Variants in SERPINA3 observed in about 807,000 individuals in gnomAD.
The protein encoded by SERPINA3 is alpha-1-antichymotrypsin.
A neutral mutation model predicts 26.8 loss-of-function variants in SERPINA3; 32 were observed. The ratio of observed to expected loss-of-function variants is 1.20; its 90% CI spans 0.90 to 1.61. The LOEUF (loss-of-function observed/expected upper bound fraction) is 1.61. Ranked by LOEUF, SERPINA3 falls within the 40% of genes most tolerant of loss-of-function variation. SERPINA3 has a pLI of 0.00. For synonymous variants in SERPINA3, 252 were observed against 206.4 expected, an observed-to-expected ratio of 1.22 and a Z score of -1.89; for missense variants, 632 against 517.9, an observed-to-expected ratio of 1.22 and a Z score of -2.14.
chr14:94,622,428 A>G lies in SERPINA3; in HGVS notation c.1005A>G (p.Glu335=), dbSNP rs764278012. 23 of 1,613,968 alleles carry G rather than the reference A, an allele frequency of 1.4e-5. No homozygotes were observed. Among genetic ancestry groups the G allele is most frequent in the Non-Finnish European group, 1.9e-5 (23 of 1,179,986 alleles). The part of the protein sequence containing the change: ...NDILLQLGIE[E]AFTSKADLSG... ...TACTTCTCCAGCTGGGCATTGAGGAAGCCTTCACCAGCAAGGCTGACCTGT... is the reference window on the plus strand; with the variant it reads ...TACTTCTCCAGCTGGGCATTGAGGAGGCCTTCACCAGCAAGGCTGACCTGT... The change falls in exon 4 of 5, where the codon GAA becomes GAG. Residue 335 remains glutamate, a synonymous_variant. Transcript: ENST00000393078.
intron 3 of SERPINA3, 125 bp from the exon 4 acceptor site, chr14:94,622,216 T>G (rs1043412770): frequency 4.7e-6 from 4 of 849,034 alleles, no homozygotes; most frequent in African/African-American, 3.3e-5. Context: ...GAGGAACAGA[T>G]TATTTATTTT....
In SERPINA3 at chr14:94,614,841, C is replaced by A. The variant is rs1885929559; in HGVS notation, c.400C>A (p.Gln134Lys). The A allele has an allele frequency of 6.2e-7, 1 of 1,614,114 alleles. No homozygotes were observed. The highest frequency in any genetic ancestry group is 1.3e-5 in the African/African-American group (1 of 74,936). The change falls in exon 2 of 5, where the codon CAG becomes AAG. Residue 134 changes from glutamine (Q) to lysine (K), a missense_variant. Coordinates refer to ENST00000393078, the MANE Select transcript of SERPINA3 (RefSeq NM_001085.5). ...RTLNQSSDEL[Q>K]LSMGNAMFVK... The stretch of plus-strand genomic sequence containing the variant: ...CCTCAATCAGTCCAGCGATGAGCTG[C>A]AGCTGAGTATGGGAAATGCCATGTT...
chr14:94,623,159 A>G (rs903569359), intron 4 of SERPINA3, among the ~76,000 whole-genome samples: 1 of 152,228 alleles, frequency 6.6e-6, no homozygotes, highest in South Asian at 2.1e-4. Context: ...AAGGATGTTT[A>G]AGCTAGAGCA....
intron 4 of SERPINA3, among the ~76,000 whole-genome samples, chr14:94,623,324 G>T (rs1886275732): frequency 6.6e-6 from 1 of 152,148 alleles, no homozygotes; most frequent in African/African-American, 2.4e-5. Flanking sequence ...GGGCAAAATA[G>T]ACTCTCAACT....
chr14:94,622,096 C>A (rs781169654), intron 3 of SERPINA3, among the ~76,000 whole-genome samples: 1 of 152,224 alleles, frequency 6.6e-6, no homozygotes, highest in Non-Finnish European at 1.5e-5. Flanking sequence ...GGGCCAGGCT[C>A]GAGCAGGGCC....
At chr14:94,616,696 G>T (rs531945934) in intron 2 of SERPINA3, among the ~76,000 whole-genome samples, 2 of 152,148 alleles carry the variant, frequency 1.3e-5, no homozygotes, top group Admixed American at 6.5e-5. Context: ...AGAAAGGAAG[G>T]TTTCCCCTAG....
chr14:94,614,609 C>A lies in SERPINA3; in HGVS notation c.168C>A (p.Phe56Leu), dbSNP rs748220497. 6.2e-7 allele frequency: 1 copy of A among 1,614,112 alleles called. No homozygotes were observed. The highest frequency in any genetic ancestry group is 8.5e-7 in the Non-Finnish European group (1 of 1,180,020). ...GATTAGCCTCCGCCAACGTGGACTT[C>A]GCTTTCAGCCTGTACAAGCAGTTAG... is the stretch of plus-strand genomic sequence containing the variant. Reference protein sequence around the residue: ...DLGLASANVDFAFSLYKQLVL... With the variant: ...DLGLASANVDLAFSLYKQLVL... Residue 56 changes from phenylalanine to leucine, a missense_variant, in exon 2 of 5, where the codon TTC becomes TTA. Transcript: ENST00000393078.
At position 94,623,854 on chromosome 14, in the gene SERPINA3, G is replaced by C; in HGVS notation, c.*40G>C. 2 of 1,577,136 alleles carry C rather than the reference G, an allele frequency of 1.3e-6. No individual in the cohort carries two copies. The highest frequency in any genetic ancestry group is 8.7e-7 in the Non-Finnish European group (1 of 1,148,146). ...CAGTGGGGCTCTCAGTAAGGAACTT[G>C]GAATGCAAGCTGGATGCCTGGGTCT... On this transcript the variant is annotated 3_prime_UTR_variant, in exon 5 of 5. Transcript: ENST00000393078.
At position 94,619,234 on chromosome 14, in the gene SERPINA3, A is replaced by G. The variant is rs143453310; in HGVS notation, c.683A>G (p.Gln228Arg). Reference sequence around the variant, plus strand: ...CCCTTTGACCCCCAAGATACTCATCAGTCAAGGTTCTACTTGAGCAAGAAA... The same window carrying G: ...CCCTTTGACCCCCAAGATACTCATCGGTCAAGGTTCTACTTGAGCAAGAAA... ...EMPFDPQDTH[Q>R]SRFYLSKKKW... The change falls in exon 3 of 5, where the codon CAG becomes CGG. Residue 228 changes from glutamine to arginine, a missense_variant. Physicochemically the swap from Gln to Arg is conservative, Grantham distance 43 (BLOSUM62 1). Coordinates refer to ENST00000393078, the MANE Select transcript of SERPINA3 (RefSeq NM_001085.5). 8 of 1,614,050 alleles carry G rather than the reference A, an allele frequency of 5.0e-6. 1 individual carries two copies. The African/African-American group carries it at 9.3e-5, about 19-fold the overall frequency.
At chr14:94,614,324 T>A in intron 1 of SERPINA3, 110 bp from the exon 2 acceptor site, 1 of 1,108,044 alleles carries the variant, frequency 9.0e-7, no homozygotes, top group Non-Finnish European at 1.4e-6. Context: ...GCTCCAAAGC[T>A]AGCAAGAGGC....
At position 94,614,552 on chromosome 14, in the gene SERPINA3, G is replaced by A. The variant is rs768804913; in HGVS notation, c.111G>A (p.Glu37=). ...TTGACGAGGAGAATCTGACCCAGGA[G>A]AACCAAGACCGAGGGACACACGTGG... ...SPLDEENLTQ[E]NQDRGTHVDL... Residue 37 remains glutamate, a synonymous_variant, in exon 2 of 5, where the codon GAG becomes GAA. Coordinates refer to ENST00000393078, the MANE Select transcript of SERPINA3 (RefSeq NM_001085.5). The A allele has an allele frequency of 2.5e-6, 4 of 1,614,010 alleles. No homozygotes were observed. The highest frequency in any genetic ancestry group is 3.4e-6 in the Non-Finnish European group (4 of 1,180,020).
chr14:94,618,661 G>T (rs114183739), intron 2 of SERPINA3: 244 of 192,238 alleles, frequency 1.3e-3, no homozygotes, highest in African/African-American at 5.2e-3. Context: ...GGTTCTTCCT[G>T]TTCCTCCCCT....
Position 94,623,596 on chromosome 14 carries a change from C to T in SERPINA3, c.1069-15C>T. On this transcript the variant is annotated splice_polypyrimidine_tract_variant and intron_variant, in intron 4 of 4. Transcript: ENST00000393078. ...ATCTGTGTTTCCCGTGTGTAATGTT[C>T]TGCTGTCCCCACAGGTGGTCCATAA... is the stretch of plus-strand genomic sequence containing the variant. 6.2e-7 allele frequency: 1 copy of T among 1,612,876 alleles called. No individual in the cohort carries two copies. The highest frequency in any genetic ancestry group is 8.5e-7 in the Non-Finnish European group (1 of 1,179,328).
rs745401611 is a variant in SERPINA3, at chr14:94,615,033, G to A, written c.592G>A (p.Asp198Asn). The A allele has an allele frequency of 5.6e-6, 9 of 1,614,078 alleles. No homozygotes were observed. In the Admixed American group the frequency reaches 1.3e-4, roughly 24 times the overall value. The change falls in exon 2 of 5, where the codon GAC becomes AAC. Residue 198 changes from aspartate (D) to asparagine (N), a missense_variant. Transcript: ENST00000393078. The stretch of plus-strand genomic sequence containing the variant: ...GGGGAAAATCACAGATCTGATCAAG[G>A]ACCTTGACTCGCAGACAATGATGGT... ...TRGKITDLIK[D>N]LDSQTMMVLV...
At chr14:94,616,181 C>G (rs1181136727) in intron 2 of SERPINA3, among the ~76,000 whole-genome samples, 1 of 152,188 alleles carries the variant, frequency 6.6e-6, no homozygotes, top group African/African-American at 2.4e-5. Context: ...GACACAGTAG[C>G]CAGCCTAGCT....
rs1314132447 is a variant in SERPINA3 at position 94,619,274 on chromosome 14, G to T, written c.723G>T (p.Val241=). 1 of 1,614,162 alleles carries T rather than the reference G, an allele frequency of 6.2e-7. No homozygotes were observed. Among genetic ancestry groups the T allele is most frequent in the East Asian group, 2.2e-5 (1 of 44,880 alleles). ...FYLSKKKWVM[V]PMMSLHHLTI... is the part of the protein sequence containing the mutation. ...TGAGCAAGAAAAAGTGGGTAATGGT[G>T]CCCATGATGAGTTTGCATCACCTGA... Residue 241 remains valine (V), a synonymous_variant, in exon 3 of 5, where the codon GTG becomes GTT. Transcript: ENST00000393078.
intron 1 of SERPINA3, chr14:94,613,354 T>C (rs1364574141): frequency 6.6e-6 from 1 of 151,876 alleles, no homozygotes; most frequent in Non-Finnish European, 1.5e-5. Flanking sequence ...TAGGACTGAG[T>C]GGGCGGAGGC....
At chr14:94,617,421 A>C (rs901535966) in intron 2 of SERPINA3, among the ~76,000 whole-genome samples, 3 of 152,212 alleles carry the variant, frequency 2.0e-5, no homozygotes, top group Admixed American at 2.0e-4. Context: ...AAGAGAATGT[A>C]GGGCCACCCA....
At chr14:94,619,087 A>T in intron 2 of SERPINA3, 108 bp from the exon 3 acceptor site, 1 of 1,264,944 alleles carries the variant, frequency 7.9e-7, no homozygotes, top group Non-Finnish European at 1.2e-6. Flanking sequence ...AAACCAAAGC[A>T]GGGTCCCTCC....
Sources: gnomAD v4.1 joint callset for allele counts (sites outside exome capture counted in the v4.1 genomes callset) on GRCh38, gnomAD v4.1.1 for gene constraint, MANE v1.5 for transcripts, NCBI Gene and HGNC (gene_info 2026-07-23, HGNC 2026-07-21) for gene names.